The following JMJD1C variants were observed in gnomAD, a reference collection of about 807,000 sequenced individuals.
JMJD1C encodes jumonji domain containing 1C.
JMJD1C carries 31 observed loss-of-function variants against 245.3 expected under a neutral mutation model. The ratio of observed to expected loss-of-function variants is 0.13; its 90% CI spans 0.09 to 0.17. JMJD1C has a LOEUF of 0.17. Among genes scored for constraint, JMJD1C ranks in the 10% least tolerant of loss-of-function variants. JMJD1C has a pLI of 1.00. For missense variants in JMJD1C, 2,691 were observed against 3,000.2 expected (o/e 0.90, Z 2.41); for synonymous variants, 1,057 against 1,017.4 (o/e 1.04, Z -0.74).
intron 3 of JMJD1C, among the ~76,000 whole-genome samples, chr10:63,264,431 G>A (rs996470619): frequency 6.6e-6 from 1 of 152,076 alleles, no homozygotes; most frequent in African/African-American, 2.4e-5. Flanking sequence ...CCTTGCAACA[G>A]AACACTGCCT....
rs770886474 is a variant in JMJD1C, at chr10:63,208,751, G to C, written c.2918C>G (p.Thr973Arg). The C allele has an allele frequency of 1.9e-6, 3 of 1,613,356 alleles. No homozygotes were observed. The highest frequency in any genetic ancestry group is 2.5e-6 in the Non-Finnish European group (3 of 1,179,734). ...FMEPLRSVAS[T>R]SAKNDLDLNR... ...TAGATCCAGGTCATTTTTGGCTGAT[G>C]TGGATGCAACAGACCGTAATGGTTC... The change falls in exon 10 of 26, where the codon ACA becomes AGA. Residue 973 changes from threonine to arginine, a missense_variant. Thr to Arg is a moderately conservative substitution (Grantham distance 71). This residue lies in a region of JMJD1C where 1,562 missense variants were observed against 1,490.7 expected (regional missense o/e 1.05). Coordinates refer to ENST00000399262, the MANE Select transcript of JMJD1C (RefSeq NM_032776.3).
At chr10:63,450,796 CGCA>C (rs555993553) in intron 1 of JMJD1C, among the ~76,000 whole-genome samples, 58 of 151,908 alleles carry the variant, frequency 3.8e-4, no homozygotes, top group Non-Finnish European at 7.8e-4. Context: ...TTCTATTCAA[CGCA>C]GCATTGGACT....
At chr10:63,500,638 A>T (rs1954516224) in intron 1 of JMJD1C, among the ~76,000 whole-genome samples, 1 of 152,138 alleles carries the variant, frequency 6.6e-6, no homozygotes, top group Non-Finnish European at 1.5e-5. Context: ...AGGCAGAGGC[A>T]GGAGAATCGC....
intron 1 of JMJD1C, among the ~76,000 whole-genome samples, chr10:63,507,149 T>A (rs1412208865): frequency 6.6e-6 from 1 of 152,230 alleles, no homozygotes; most frequent in East Asian, 1.9e-4. Flanking sequence ...CTTAACTCAT[T>A]TATGCATTTA....
chr10:63,443,844 AC>A, intron 1 of JMJD1C, among the ~76,000 whole-genome samples: 1 of 152,326 alleles, frequency 6.6e-6, no homozygotes, highest in African/African-American at 2.4e-5. Context: ...AGAAGAAATG[AC>A]ACTTCTATCA....
chr10:63,519,705 C>T (rs748423795), intron 1 of JMJD1C, among the ~76,000 whole-genome samples: 1 of 152,100 alleles, frequency 6.6e-6, no homozygotes, highest in Non-Finnish European at 1.5e-5. Context: ...CTGATAGGTA[C>T]AGAATGGGGA....
chr10:63,234,459 A>G, intron 3 of JMJD1C, among the ~76,000 whole-genome samples: 1 of 134,900 alleles, frequency 7.4e-6, no homozygotes, highest in East Asian at 2.3e-4. Context: ...GCACCACTGC[A>G]CTCCAGCCTC....
chr10:63,445,862 A>ATTTTTTTT (rs56316223), intron 1 of JMJD1C, among the ~76,000 whole-genome samples: 1 of 75,714 alleles, frequency 1.3e-5, no homozygotes, highest in Non-Finnish European at 2.2e-5. Flanking sequence ...TGGGATCTGA[A>ATTTTTTTT]TTTTTTTTTT....
chr10:63,498,895 A>G (rs1954446823), intron 1 of JMJD1C, among the ~76,000 whole-genome samples: 2 of 152,166 alleles, frequency 1.3e-5, no homozygotes, highest in African/African-American at 4.8e-5. Context: ...ACCTCCCATG[A>G]GCCCCTGGGA....
intron 1 of JMJD1C, among the ~76,000 whole-genome samples, chr10:63,385,154 A>T (rs1461513077): frequency 6.6e-6 from 1 of 152,146 alleles, no homozygotes. Context: ...CAGAACACAC[A>T]TAGTGTTCTG....
At chr10:63,357,695 G>A (rs534451943) in intron 2 of JMJD1C, among the ~76,000 whole-genome samples, 1 of 152,100 alleles carries the variant, frequency 6.6e-6, no homozygotes, top group South Asian at 2.1e-4. Flanking sequence ...GTGTCAGACG[G>A]CAGAGATTCA....
intron 2 of JMJD1C, among the ~76,000 whole-genome samples, chr10:63,329,967 C>G (rs1941965433): frequency 6.6e-6 from 1 of 152,242 alleles, no homozygotes; most frequent in African/African-American, 2.4e-5. Context: ...GTGGTACAAT[C>G]TAGGCTCACT....
At position 63,208,447 on chromosome 10, in the gene JMJD1C, T is replaced by C. The variant is rs1846917943; in HGVS notation, c.3222A>G (p.Val1074=). 14 of 1,613,932 alleles carry C rather than the reference T, an allele frequency of 8.7e-6. No individual in the cohort carries two copies. The East Asian group carries it at 2.5e-4, about 28-fold the overall frequency. ...IKQDMDVERS[V]SDLYKMKHSV... ...AGTGCTTCATTTTATAAAGATCTGA[T>C]ACTGAGCGTTCTACATCCATATCTT... The change falls in exon 10 of 26, where the codon GTA becomes GTG. Residue 1074 remains valine, a synonymous_variant. Transcript: ENST00000399262.
chr10:63,254,858 CCTT>C (rs1199330599), intron 3 of JMJD1C, among the ~76,000 whole-genome samples: 1 of 148,792 alleles, frequency 6.7e-6, no homozygotes, highest in Admixed American at 6.7e-5. Context: ...TAGCTCCCCC[CCTT>C]TTTTTTTTAT....
intron 1 of JMJD1C, among the ~76,000 whole-genome samples, chr10:63,503,993 A>G (rs1389779697): frequency 1.3e-5 from 2 of 152,010 alleles, no homozygotes; most frequent in African/African-American, 4.8e-5. Flanking sequence ...TGCTCATTCC[A>G]CTTGAGCTGC....
In JMJD1C at chr10:63,380,427, T is replaced by A. The variant is rs1424825937; in HGVS notation, c.224A>T (p.Tyr75Phe). 1 of 1,614,100 alleles carries A rather than the reference T, an allele frequency of 6.2e-7. No individual in the cohort carries two copies. Among genetic ancestry groups the A allele is most frequent in the South Asian group, 1.1e-5 (1 of 91,072 alleles). ...EWDKREWVKV[Y>F]EDFSTFLVEY... ...CACCAAGAAAGTTGAAAAATCTTCA[T>A]AAACTTTAACCCACTCTCGTTTATC... Residue 75 changes from tyrosine to phenylalanine, a missense_variant, in exon 2 of 26, where the codon TAT (tyrosine) becomes TTT (phenylalanine). Coordinates refer to ENST00000399262, the MANE Select transcript of JMJD1C (RefSeq NM_032776.3).
chr10:63,454,679 C>T (rs1226859137), intron 1 of JMJD1C, among the ~76,000 whole-genome samples: 49 of 152,196 alleles, frequency 3.2e-4, no homozygotes, highest in Admixed American at 3.2e-3. Flanking sequence ...GATCCACCCA[C>T]CTTGGCCTCC....
chr10:63,278,630 G>A (rs1024931543), intron 2 of JMJD1C, among the ~76,000 whole-genome samples: 24 of 151,694 alleles, frequency 1.6e-4, no homozygotes, highest in African/African-American at 2.4e-4. Context: ...GGCCGAAGTC[G>A]GGAGTTCAAG....
intron 2 of JMJD1C, among the ~76,000 whole-genome samples, chr10:63,267,358 T>C (rs1319979329): frequency 6.6e-6 from 1 of 152,148 alleles, no homozygotes; most frequent in Non-Finnish European, 1.5e-5. Flanking sequence ...TTGCTAATTT[T>C]TGTATTAGTC....
Sources: gnomAD v4.1 joint callset for allele counts (sites outside exome capture counted in the v4.1 genomes callset) on GRCh38, gnomAD v4.1.1 for gene constraint, gnomAD v4.1.1 regional missense constraint, MANE v1.5 for transcripts, NCBI Gene and HGNC (gene_info 2026-07-23, HGNC 2026-07-21) for gene names.